The following HECW2 variants were observed in gnomAD, a reference collection of about 807,000 sequenced individuals.
HECW2 encodes HECT, C2 and WW domain containing E3 ubiquitin protein ligase 2, also known as E3 ubiquitin-protein ligase HECW2.
In HECW2, 61 loss-of-function variants were observed where a neutral mutation model predicts 175.2. That is an observed-to-expected ratio of 0.35 (90% CI 0.28 to 0.43). The LOEUF is 0.43. HECW2 is among the 20% of genes least tolerant of loss of function. The pLI, the probability that HECW2 is intolerant of heterozygous loss-of-function variation, is 1.00. For missense variants in HECW2, 1,524 were observed against 2,000.5 expected (o/e 0.76, Z 4.54); for synonymous variants, 671 against 731.0 (o/e 0.92, Z 1.32).
At chr2:196,541,423 T>C (rs1689208523) in intron 1 of HECW2, among the ~76,000 whole-genome samples, 1 of 152,158 alleles carries the variant, frequency 6.6e-6, no homozygotes, top group African/African-American at 2.4e-5. Flanking sequence ...AAAATACTTC[T>C]GTCAAATTCA....
At chr2:196,577,320 T>G (rs1003392525) in intron 1 of HECW2, among the ~76,000 whole-genome samples, 1 of 152,222 alleles carries the variant, frequency 6.6e-6, no homozygotes, top group African/African-American at 2.4e-5. Context: ...GTTTTTCTAC[T>G]ATACCTTTAT....
intron 24 of HECW2, among the ~76,000 whole-genome samples, chr2:196,221,295 A>T (rs1440839944): frequency 6.6e-6 from 1 of 151,256 alleles, no homozygotes; most frequent in African/African-American, 2.5e-5. Context: ...ATCTAGCGTA[A>T]AGATTTACTT....
chr2:196,301,975 T>C (rs1691079266), intron 13 of HECW2, among the ~76,000 whole-genome samples: 1 of 152,202 alleles, frequency 6.6e-6, no homozygotes. Context: ...ATGTCCTGAA[T>C]AGTATTGCCT....
Position 196,292,672 on chromosome 2 carries a change from C to G in HECW2, c.2893G>C (p.Glu965Gln). 6.2e-7 allele frequency: 1 copy of G among 1,614,164 alleles called. No homozygotes were observed. Among genetic ancestry groups the G allele is most frequent in the Non-Finnish European group, 8.5e-7 (1 of 1,180,016 alleles). The change falls in exon 14 of 29, where the codon GAA becomes CAA. Residue 965 changes from glutamate (E) to glutamine (Q), a missense_variant. By Grantham distance (29) the Glu-to-Gln change is conservative. Transcript: ENST00000644978. ...AGGTCGCGGTTATGCTGGTAGCGTT[C>G]AAAGTGGTGGGTGTCCCTCCGGACT... ...TKVRRDTHHF[E>Q]RYQHNRDLVG...
At chr2:196,450,117 T>A (rs1696300840) in intron 1 of HECW2, among the ~76,000 whole-genome samples, 1 of 152,206 alleles carries the variant, frequency 6.6e-6, no homozygotes, top group Non-Finnish European at 1.5e-5. Context: ...GCAAAGTCCA[T>A]CCCTATGCAT....
chr2:196,386,934 G>C (rs1049220852), intron 2 of HECW2, among the ~76,000 whole-genome samples: 2 of 152,130 alleles, frequency 1.3e-5, no homozygotes, highest in African/African-American at 4.8e-5. Flanking sequence ...TATAAGCCTT[G>C]TTATAGCTTA....
At chr2:196,334,390 T>A (rs544784211) in intron 4 of HECW2, 34 bp downstream of exon 4, 3 of 1,503,044 alleles carry the variant, frequency 2.0e-6, no homozygotes, top group South Asian at 2.4e-5. Flanking sequence ...CCAGCATGGA[T>A]CTCACAAGGA....
intron 1 of HECW2, among the ~76,000 whole-genome samples, chr2:196,514,990 G>A (rs1294365026): frequency 6.6e-6 from 1 of 152,200 alleles, no homozygotes; most frequent in Non-Finnish European, 1.5e-5. Flanking sequence ...GGCCCTTTAG[G>A]GAGCCCAGAC....
At chr2:196,396,911 A>G (rs1315540854) in intron 2 of HECW2, among the ~76,000 whole-genome samples, 2 of 151,828 alleles carry the variant, frequency 1.3e-5, no homozygotes, top group African/African-American at 4.8e-5. Flanking sequence ...GGAGATTGAG[A>G]CCATCCTGGC....
At chr2:196,239,710 C>G (rs1688379419) in intron 21 of HECW2, 3 of 152,108 alleles carry the variant, frequency 2.0e-5, no homozygotes, top group African/African-American at 7.2e-5. Context: ...GAACCCAGAC[C>G]TGAAATGAGG....
intron 2 of HECW2, among the ~76,000 whole-genome samples, chr2:196,413,978 T>C (rs1358695850): frequency 6.6e-6 from 1 of 152,212 alleles, no homozygotes; most frequent in Non-Finnish European, 1.5e-5. Flanking sequence ...AGGTTCTGCC[T>C]TCGTTGTGTG....
chr2:196,544,355 G>A (rs1044523434), intron 1 of HECW2, among the ~76,000 whole-genome samples: 2 of 152,272 alleles, frequency 1.3e-5, no homozygotes, highest in East Asian at 1.9e-4. Flanking sequence ...GGTCCCATTT[G>A]TCCTTGAGCT....
At chr2:196,377,063 A>G (rs1044463220) in intron 2 of HECW2, among the ~76,000 whole-genome samples, 8 of 152,352 alleles carry the variant, frequency 5.3e-5, no homozygotes, top group Admixed American at 2.0e-4. Flanking sequence ...TTTCATAAAC[A>G]TGCCAAGGAA....
chr2:196,221,571 T>G (rs1687672646), intron 24 of HECW2, among the ~76,000 whole-genome samples: 1 of 152,190 alleles, frequency 6.6e-6, no homozygotes, highest in Non-Finnish European at 1.5e-5. Flanking sequence ...TTTTCTTTTC[T>G]TTTTTGAGAC....
chr2:196,265,119 T>C (rs968990350), intron 17 of HECW2, among the ~76,000 whole-genome samples: 1 of 152,200 alleles, frequency 6.6e-6, no homozygotes, highest in Non-Finnish European at 1.5e-5. Flanking sequence ...TAAAATATTT[T>C]AGAGTAACGC....
intron 1 of HECW2, among the ~76,000 whole-genome samples, chr2:196,589,288 A>G (rs1575704547): frequency 6.6e-6 from 1 of 152,296 alleles, no homozygotes; most frequent in East Asian, 1.9e-4. Flanking sequence ...GGGAAAGGTG[A>G]CAGCCATAAT....
At chr2:196,502,242 C>G (rs1687599501) in intron 1 of HECW2, among the ~76,000 whole-genome samples, 1 of 152,092 alleles carries the variant, frequency 6.6e-6, no homozygotes. Context: ...TTCATTTAAC[C>G]AACTTTGGTG....
intron 1 of HECW2, among the ~76,000 whole-genome samples, chr2:196,536,192 T>C (rs975561076): frequency 6.6e-6 from 1 of 152,214 alleles, no homozygotes; most frequent in Admixed American, 6.5e-5. Context: ...TTAATAGGTC[T>C]CATCAACCAG....
intron 1 of HECW2, among the ~76,000 whole-genome samples, chr2:196,449,108 A>G (rs1696272083): frequency 6.6e-6 from 1 of 152,182 alleles, no homozygotes; most frequent in African/African-American, 2.4e-5. Context: ...ATGGTCTCTT[A>G]GCCTAAAGAT....
Sources: gnomAD v4.1 joint callset for allele counts (sites outside exome capture counted in the v4.1 genomes callset) on GRCh38, gnomAD v4.1.1 for gene constraint, MANE v1.5 for transcripts, NCBI Gene and HGNC (gene_info 2026-07-23, HGNC 2026-07-21) for gene names.